SORCS2: variants seen among roughly 807,000 people sequenced by gnomAD.
The protein encoded by SORCS2 is VPS10 domain-containing receptor SorCS2.
SORCS2 carries 100 observed loss-of-function variants against 141.6 expected under a neutral mutation model. The observed-to-expected ratio is 0.71, with a 90% CI of 0.60 to 0.83. The LOEUF is 0.83. SORCS2 is among the 40% of genes least tolerant of loss of function. The pLI, the probability that SORCS2 is intolerant of heterozygous loss-of-function variation, is 0.00. For synonymous variants in SORCS2, 789 were observed against 676.9 expected (o/e 1.17, Z -2.57); for missense variants, 1,646 against 1,560.2 (o/e 1.05, Z -0.93).
chr4:7,566,347 T>C (rs1406179977), intron 3 of SORCS2, among the ~76,000 whole-genome samples: 2 of 151,604 alleles, frequency 1.3e-5, no homozygotes, highest in Non-Finnish European at 2.9e-5. Context: ...GATGATGAGG[T>C]GATGATGATG....
At chr4:7,298,796 C>G (rs2108894400) in intron 1 of SORCS2, among the ~76,000 whole-genome samples, 1 of 152,334 alleles carries the variant, frequency 6.6e-6, no homozygotes, top group African/African-American at 2.4e-5. Context: ...TGTGCCCAGG[C>G]CGGGTGCTGG....
At chr4:7,215,237 C>T (rs1421547022) in intron 1 of SORCS2, among the ~76,000 whole-genome samples, 1 of 152,170 alleles carries the variant, frequency 6.6e-6, no homozygotes, top group Non-Finnish European at 1.5e-5. Flanking sequence ...CAGGCCGGCC[C>T]TGCTGGCCCC....
intron 1 of SORCS2, among the ~76,000 whole-genome samples, chr4:7,325,290 C>T (rs1481687021): frequency 6.6e-6 from 1 of 152,178 alleles, no homozygotes; most frequent in African/African-American, 2.4e-5. Flanking sequence ...CCTCCATGAG[C>T]CTCAGTGTCT....
intron 2 of SORCS2, among the ~76,000 whole-genome samples, chr4:7,480,497 G>A (rs77260746): frequency 0.015 from 2,272 of 152,322 alleles, 48 homozygotes; most frequent in African/African-American, 0.052. Flanking sequence ...GCTGGGCAGC[G>A]TGCTGGGAGT....
chr4:7,271,289 C>T (rs1354343806), intron 1 of SORCS2, among the ~76,000 whole-genome samples: 1 of 152,228 alleles, frequency 6.6e-6, no homozygotes, highest in South Asian at 2.1e-4. Flanking sequence ...GTCTAATGAT[C>T]CCAGTGGCCC....
intron 1 of SORCS2, among the ~76,000 whole-genome samples, chr4:7,337,304 C>T (rs560490597): frequency 1.3e-3 from 201 of 152,250 alleles, no homozygotes; most frequent in African/African-American, 4.5e-3. Context: ...CTGCAACGTG[C>T]GGTCTGCTGG....
rs755640790 is a variant in SORCS2, at chr4:7,396,241, C to T, written c.481-47C>T. 1.5e-5 allele frequency: 24 copies of T among 1,589,098 alleles called. No homozygotes were observed. The African/African-American group carries it at 2.6e-4, about 17-fold the overall frequency. On this transcript the variant is annotated intron_variant, in intron 1 of 26. Coordinates refer to ENST00000507866, the MANE Select transcript of SORCS2 (RefSeq NM_020777.3). ...TGTCACTGTACCTCTCTTTGAGAAC[C>T]TTGGCACCCACTGATTTCTGCCTTT...
Position 7,299,579 on chromosome 4 carries a change from A to C in SORCS2, c.481-96709A>C, listed in dbSNP as rs181796294. Among the ~76,000 whole-genome samples the C allele has an allele frequency of 1.0e-3, 153 of 152,276 alleles. 1 individual carries two copies. The highest frequency in any genetic ancestry group is 3.5e-3 in the African/African-American group (144 of 41,544). Reference sequence around the variant, plus strand: ...CATGTTAGATCCTGGGGCATTTTCTACTTGGTTGGTTTCTGTTGTCCTTTC... The same window carrying C: ...CATGTTAGATCCTGGGGCATTTTCTCCTTGGTTGGTTTCTGTTGTCCTTTC... On this transcript the variant is annotated intron_variant, in intron 1 of 26. Transcript: ENST00000507866.
At chr4:7,688,106 A>G (rs1296573401) in intron 10 of SORCS2, among the ~76,000 whole-genome samples, 1 of 152,246 alleles carries the variant, frequency 6.6e-6, no homozygotes, top group East Asian at 1.9e-4. Context: ...CTTTTAAGTT[A>G]GAGTCACCTG....
chr4:7,578,317 A>G (rs1715907366), intron 3 of SORCS2, among the ~76,000 whole-genome samples: 2 of 152,196 alleles, frequency 1.3e-5, no homozygotes, highest in African/African-American at 2.4e-5. Context: ...ACTTTCCTTA[A>G]TAAATTACCC....
At chr4:7,283,769 T>C (rs1716033120) in intron 1 of SORCS2, among the ~76,000 whole-genome samples, 1 of 151,950 alleles carries the variant, frequency 6.6e-6, no homozygotes, top group Non-Finnish European at 1.5e-5. Flanking sequence ...GAGTTGGGTC[T>C]GGCTACAGCA....
chr4:7,738,441 G>A (rs1712376317), intron 26 of SORCS2, among the ~76,000 whole-genome samples: 1 of 152,252 alleles, frequency 6.6e-6, no homozygotes, highest in African/African-American at 2.4e-5. Context: ...GGAGCTGGAA[G>A]TCACATCTTG....
At chr4:7,634,782 C>T (rs1275758808) in intron 3 of SORCS2, among the ~76,000 whole-genome samples, 1 of 152,212 alleles carries the variant, frequency 6.6e-6, no homozygotes, top group Non-Finnish European at 1.5e-5. Context: ...CCGGGAAGGG[C>T]AGTGCCATCA....
chr4:7,451,478 G>C (rs1728463248), intron 2 of SORCS2, among the ~76,000 whole-genome samples: 1 of 152,272 alleles, frequency 6.6e-6, no homozygotes, highest in Non-Finnish European at 1.5e-5. Flanking sequence ...AGTGCTGGGT[G>C]CTGGGAATAC....
chr4:7,335,203 C>T (rs1719908749), intron 1 of SORCS2, among the ~76,000 whole-genome samples: 3 of 152,198 alleles, frequency 2.0e-5, no homozygotes, highest in East Asian at 1.9e-4. Context: ...CCTAGTTTTC[C>T]TCTCTACGTT....
At chr4:7,339,404 G>A (rs925484882) in intron 1 of SORCS2, among the ~76,000 whole-genome samples, 1 of 152,264 alleles carries the variant, frequency 6.6e-6, no homozygotes, top group African/African-American at 2.4e-5. Context: ...ACCACGGGCA[G>A]TTCTGGAGGC....
intron 2 of SORCS2, among the ~76,000 whole-genome samples, chr4:7,473,067 C>A (rs114527937): frequency 1.3e-5 from 2 of 151,686 alleles, no homozygotes; most frequent in African/African-American, 2.4e-5. Context: ...TATCGGCCGA[C>A]CTTCCTTGTG....
chr4:7,569,403 T>C (rs1322762209), intron 3 of SORCS2, among the ~76,000 whole-genome samples: 1 of 152,082 alleles, frequency 6.6e-6, no homozygotes, highest in Non-Finnish European at 1.5e-5. Flanking sequence ...TCCCAGCTAC[T>C]TGGGAGGCTG....
At chr4:7,421,360 C>G (rs775107622) in intron 2 of SORCS2, among the ~76,000 whole-genome samples, 1 of 152,200 alleles carries the variant, frequency 6.6e-6, no homozygotes, top group African/African-American at 2.4e-5. Context: ...GATCTGAGTT[C>G]CAGTCCTGGC....
Sources: allele counts gnomAD v4.1 joint callset (sites outside exome capture counted in the v4.1 genomes callset), GRCh38; gene constraint gnomAD v4.1.1; transcripts MANE v1.5; gene names NCBI Gene and HGNC (gene_info 2026-07-23, HGNC 2026-07-21).